IL1RAPL1: variants seen among roughly 807,000 people sequenced by gnomAD.
IL1RAPL1 encodes the protein interleukin 1 receptor accessory protein like 1.
IL1RAPL1 carries 3 observed loss-of-function variants against 48.4 expected under a neutral mutation model. That is an observed-to-expected ratio of 0.06 (90% CI 0.03 to 0.16). The LOEUF is 0.16. Ranked by LOEUF, IL1RAPL1 falls within the 10% of genes least tolerant of loss-of-function variation. The pLI, the probability that IL1RAPL1 is intolerant of heterozygous loss-of-function variation, is 1.00. For synonymous variants in IL1RAPL1, 185 were observed against 187.7 expected, an observed-to-expected ratio of 0.99 and a Z score of 0.12; for missense variants, 349 against 530.6, an observed-to-expected ratio of 0.66 and a Z score of 3.36.
chrX:29,098,133 G>A (rs1346741843), intron 2 of IL1RAPL1, among the ~76,000 whole-genome samples: 2 of 111,965 alleles, frequency 1.8e-5, no homozygotes, highest in East Asian at 2.8e-4. Flanking sequence ...ACTATCTATG[G>A]ATGAGGGTTA....
intron 1 of IL1RAPL1, among the ~76,000 whole-genome samples, chrX:28,762,294 A>G (rs1936182029): frequency 8.9e-6 from 1 of 111,911 alleles, no homozygotes; most frequent in Admixed American, 9.6e-5. Context: ...AACACATTTA[A>G]TATCCTTAGT....
chrX:28,852,239 G>A (rs1921680182), intron 2 of IL1RAPL1, among the ~76,000 whole-genome samples: 2 of 111,345 alleles, frequency 1.8e-5, no homozygotes, highest in Non-Finnish European at 3.8e-5. Flanking sequence ...ATAGACAATA[G>A]CATGACAATT....
chrX:28,943,878 A>C (rs2147350425), intron 2 of IL1RAPL1, among the ~76,000 whole-genome samples: 1 of 110,421 alleles, frequency 9.1e-6, no homozygotes, highest in Admixed American at 9.7e-5. Flanking sequence ...ATTTTTTCTG[A>C]GTTTGATTCG....
intron 3 of IL1RAPL1, among the ~76,000 whole-genome samples, chrX:29,324,088 G>T (rs184222616): frequency 9.2e-6 from 1 of 108,658 alleles, no homozygotes; most frequent in Non-Finnish European, 1.9e-5. Flanking sequence ...TTTGAAGCAC[G>T]GCATACCTTT....
intron 1 of IL1RAPL1, among the ~76,000 whole-genome samples, chrX:28,703,408 GAGA>G (rs1199239746): frequency 9.0e-6 from 1 of 111,683 alleles, no homozygotes; most frequent in Non-Finnish European, 1.9e-5. Context: ...GATAATTTCA[GAGA>G]AGATTTTATC....
chrX:29,069,260 G>A (rs1927512342), intron 2 of IL1RAPL1, among the ~76,000 whole-genome samples: 1 of 111,579 alleles, frequency 9.0e-6, no homozygotes, highest in African/African-American at 3.3e-5. Context: ...TGTTAATAAT[G>A]ATATTATCTA....
intron 1 of IL1RAPL1, among the ~76,000 whole-genome samples, chrX:28,663,559 A>G: frequency 8.9e-6 from 1 of 112,308 alleles, no homozygotes; most frequent in East Asian, 2.8e-4. Flanking sequence ...TCAGAAACAA[A>G]GGAACAAAAA....
rs180689615 is a variant in IL1RAPL1 at position 29,298,444 on chromosome X, C to T, written c.362+15227C>T. On this transcript the variant is annotated intron_variant, in intron 3 of 10. Transcript: ENST00000378993. ...TGCACAAAAGTTCCACAGACTGTTC[C>T]GAAAAAAATAATTTGAAGGAAATTC... is the stretch of plus-strand genomic sequence containing the variant. 6.4e-4 allele frequency among the ~76,000 whole-genome samples: 71 copies of T among 111,307 alleles called. 1 individual carries two copies. The highest frequency in any genetic ancestry group is 2.1e-3 in the African/African-American group (65 of 30,679).
At chrX:29,103,069 A>G (rs1317647273) in intron 2 of IL1RAPL1, among the ~76,000 whole-genome samples, 1 of 112,338 alleles carries the variant, frequency 8.9e-6, no homozygotes, top group Non-Finnish European at 1.9e-5. Context: ...TACAGATTCA[A>G]TGCAATTCCT....
chrX:28,906,215 C>T (rs1415041609), intron 2 of IL1RAPL1, among the ~76,000 whole-genome samples: 1 of 112,816 alleles, frequency 8.9e-6, no homozygotes, highest in Non-Finnish European at 1.9e-5. Context: ...CTGATCACCT[C>T]CCATGAGGGG....
At chrX:28,981,431 T>G (rs1925339139) in intron 2 of IL1RAPL1, among the ~76,000 whole-genome samples, 1 of 111,315 alleles carries the variant, frequency 9.0e-6, no homozygotes, top group South Asian at 3.8e-4. Context: ...ACCAATATTT[T>G]TTCTATTATG....
At chrX:29,247,416 C>G (rs1335067455) in intron 2 of IL1RAPL1, among the ~76,000 whole-genome samples, 3 of 109,575 alleles carry the variant, frequency 2.7e-5, no homozygotes, top group African/African-American at 1.0e-4. Flanking sequence ...CAGAGCCATA[C>G]TGAAATAACA....
chrX:29,425,774 C>T (rs758177284), intron 5 of IL1RAPL1, among the ~76,000 whole-genome samples: 1 of 109,523 alleles, frequency 9.1e-6, no homozygotes, highest in South Asian at 4.0e-4. Flanking sequence ...AGGGTTTTAC[C>T]ATGTTGCCCA....
intron 2 of IL1RAPL1, among the ~76,000 whole-genome samples, chrX:29,015,064 C>G (rs763547892): frequency 1.7e-4 from 19 of 110,900 alleles, no homozygotes; most frequent in African/African-American, 6.2e-4. Context: ...AAGGGAGCAA[C>G]CACGGGAGCA....
intron 2 of IL1RAPL1, among the ~76,000 whole-genome samples, chrX:29,175,118 G>C (rs1218114177): frequency 9.2e-6 from 1 of 108,638 alleles, no homozygotes; most frequent in Non-Finnish European, 1.9e-5. Context: ...AAAAAGAAAG[G>C]ATCCAGGAGT....
chrX:29,770,070 T>C (rs1427191702), intron 6 of IL1RAPL1, among the ~76,000 whole-genome samples: 1 of 112,487 alleles, frequency 8.9e-6, no homozygotes, highest in Non-Finnish European at 1.9e-5. Flanking sequence ...AAGTAGATAT[T>C]CTGTTTTTAA....
chrX:29,153,529 A>T (rs1035863184), intron 2 of IL1RAPL1, among the ~76,000 whole-genome samples: 1 of 112,233 alleles, frequency 8.9e-6, no homozygotes, highest in Non-Finnish European at 1.9e-5. Context: ...TATGATTTTA[A>T]CAAATGGAGG....
rs145129855 is a variant in IL1RAPL1, at chrX:29,469,631, A to T, written c.703+70323A>T. The stretch of plus-strand genomic sequence containing the variant: ...TATCTCTTAGTGGATGACAATTTCC[A>T]AACTCTACTCAGAAAATACAGTGCA... On this transcript the variant is annotated intron_variant, in intron 5 of 10. Coordinates refer to ENST00000378993, the MANE Select transcript of IL1RAPL1 (RefSeq NM_014271.4). 4.7e-3 allele frequency among the ~76,000 whole-genome samples: 522 copies of T among 111,681 alleles called. 3 individuals carry two copies. The highest frequency in any genetic ancestry group is 0.016 in the African/African-American group (506 of 30,780).
intron 3 of IL1RAPL1, among the ~76,000 whole-genome samples, chrX:29,358,785 G>A (rs1933338502): frequency 1.8e-5 from 2 of 110,785 alleles, no homozygotes; most frequent in South Asian, 3.8e-4. Context: ...TTGGGAGGCC[G>A]AGGCAGGTGG....
Sources: gnomAD v4.1 joint callset for allele counts (sites outside exome capture counted in the v4.1 genomes callset) on GRCh38, gnomAD v4.1.1 for gene constraint, MANE v1.5 for transcripts, NCBI Gene and HGNC (gene_info 2026-07-23, HGNC 2026-07-21) for gene names.